LVRN: variants seen among roughly 807,000 people sequenced by gnomAD.
The protein encoded by LVRN is laeverin, also known as aminopeptidase Q.
A neutral mutation model predicts 111.4 loss-of-function variants in LVRN; 99 were observed. The observed-to-expected ratio is 0.89, with a 90% CI of 0.76 to 1.05. The LOEUF is 1.05. LVRN is among the 50% of genes least tolerant of loss of function. The probability of loss-of-function intolerance (pLI) is 0.00; values close to 1 mark genes in which losing one functional copy is unlikely to be tolerated. For missense variants in LVRN, 1,414 were observed against 1,206.8 expected, an observed-to-expected ratio of 1.17 and a Z score of -2.54; for synonymous variants, 488 against 449.5, an observed-to-expected ratio of 1.09 and a Z score of -1.08.
chr5:116,002,252 A>T (rs753350532), intron 10 of LVRN, among the ~76,000 whole-genome samples: 119 of 152,260 alleles, frequency 7.8e-4, no homozygotes, highest in Non-Finnish European at 1.7e-3. Flanking sequence ...ATATTGCCCA[A>T]ACTCTGAGTA....
At chr5:116,013,588 C>G (rs1748535520) in intron 15 of LVRN, among the ~76,000 whole-genome samples, 1 of 152,086 alleles carries the variant, frequency 6.6e-6, no homozygotes, top group Non-Finnish European at 1.5e-5. Flanking sequence ...TAAATGAATG[C>G]CTAGAACTGT....
intron 6 of LVRN, chr5:115,995,575 A>G (rs1346765286): frequency 6.6e-6 from 1 of 152,258 alleles, no homozygotes; most frequent in Non-Finnish European, 1.5e-5. Context: ...AATTTGCCCA[A>G]CTGGGACAGG....
Position 116,000,654 on chromosome 5 carries a change from A to T in LVRN, c.1643A>T (p.Gln548Leu). 1 of 1,613,682 alleles carries T rather than the reference A, an allele frequency of 6.2e-7. No homozygotes were observed. The highest frequency in any genetic ancestry group is 1.3e-5 in the African/African-American group (1 of 75,042). ...CAAGATGATCTATGGAGGCATTTTC[A>T]AATGGTAATTGTCCTACTTTCTGAC... ...AEQDDLWRHF[Q>L]MAIDDQSTVI... Residue 548 changes from glutamine (Q) to leucine (L), a missense_variant, in exon 9 of 20, where the codon CAA becomes CTA. Transcript: ENST00000357872.
intron 15 of LVRN, among the ~76,000 whole-genome samples, chr5:116,013,133 A>G (rs1484795507): frequency 1.3e-5 from 2 of 152,180 alleles, no homozygotes; most frequent in African/African-American, 2.4e-5. Flanking sequence ...TAGGGATTAT[A>G]CCTACAACTT....
chr5:115,968,866 A>G (rs1753259496), intron 1 of LVRN, among the ~76,000 whole-genome samples: 1 of 152,202 alleles, frequency 6.6e-6, no homozygotes, highest in Non-Finnish European at 1.5e-5. Context: ...ATATGCAATT[A>G]AACAAAGTCC....
Position 115,963,357 on chromosome 5 carries a change from C to A in LVRN, c.695+45C>A, listed in dbSNP as rs574416228. On this transcript the variant is annotated intron_variant, in intron 1 of 19. Transcript: ENST00000357872. ...GGGCCCCTCTCGGCCCCCGCCCCTGCGTCCCGGTGCAGGCTGCGGGTCCAG... is the reference window on the plus strand; with the variant it reads ...GGGCCCCTCTCGGCCCCCGCCCCTGAGTCCCGGTGCAGGCTGCGGGTCCAG... 13 of 1,473,626 alleles carry A rather than the reference C, an allele frequency of 8.8e-6. No homozygotes were observed. In the South Asian group the frequency reaches 1.5e-4, roughly 17 times the overall value. 91.3% of individuals were successfully genotyped at this position (1,473,626 alleles called of 1,614,324 possible). A position where few individuals can be genotyped will look rare whatever the true frequency, so the allele number is the denominator to read the frequency against.
chr5:115,999,836 C>T lies in LVRN; in HGVS notation c.1449C>T (p.Ala483=), dbSNP rs998349089. The T allele has an allele frequency of 1.2e-6, 2 of 1,613,484 alleles. No individual in the cohort carries two copies. The highest frequency in any genetic ancestry group is 1.7e-6 in the Non-Finnish European group (2 of 1,179,650). Residue 483 remains alanine (A), a synonymous_variant, in exon 7 of 20, where the codon GCC becomes GCT. Coordinates refer to ENST00000357872, the MANE Select transcript of LVRN (RefSeq NM_173800.5). ...EDHALVTRAV[A]MKVENFKTSE... ...ACGCCCTGGTGACTAGAGCTGTGGC[C>T]ATGAAGGTGGAAAATTTCAAAACAA...
At position 116,002,855 on chromosome 5, in the gene LVRN, T is replaced by C; in HGVS notation, c.1841T>C (p.Ile614Thr). Residue 614 changes from isoleucine (I) to threonine (T), a missense_variant, in exon 11 of 20, where the codon ATT becomes ACT. Transcript: ENST00000357872. ...ATAAGTGACACATGGATTGTCCCTA[T>C]TCTTTGGATAAAAAATGGAACTACA... Reference protein sequence around the residue: ...LTSNDTWIVPILWIKNGTTQP... With the variant: ...LTSNDTWIVPTLWIKNGTTQP... 6.2e-7 allele frequency: 1 copy of C among 1,610,016 alleles called. No individual in the cohort carries two copies. Among genetic ancestry groups the C allele is most frequent in the Non-Finnish European group, 8.5e-7 (1 of 1,177,000 alleles).
chr5:116,027,295 T>A lies in LVRN; in HGVS notation c.*1177T>A, dbSNP rs1211096739. The A allele has an allele frequency of 1.3e-5, 2 of 152,212 alleles. No individual in the cohort carries two copies. The highest frequency in any genetic ancestry group is 1.3e-4 in the Admixed American group (2 of 15,286). 9.4% of individuals were successfully genotyped at this position (152,212 alleles called of 1,614,324 possible). A position where few individuals can be genotyped will look rare whatever the true frequency, so the allele number is the denominator to read the frequency against. ...TCCTCAGGGTGATATTTTTAAAGAT[T>A]AAGGAGTATGACATCAATTAACAGT... On this transcript the variant is annotated 3_prime_UTR_variant, in exon 20 of 20. Coordinates refer to ENST00000357872, the MANE Select transcript of LVRN (RefSeq NM_173800.5).
At chr5:116,004,165 C>G (rs1277517589) in intron 12 of LVRN, among the ~76,000 whole-genome samples, 1 of 152,238 alleles carries the variant, frequency 6.6e-6, no homozygotes, top group Non-Finnish European at 1.5e-5. Context: ...CATATTTCCA[C>G]TCTCCTTCAG....
At chr5:115,969,184 T>A (rs1462697417) in intron 1 of LVRN, among the ~76,000 whole-genome samples, 1 of 152,226 alleles carries the variant, frequency 6.6e-6, no homozygotes, top group African/African-American at 2.4e-5. Context: ...CCCTGGTTTA[T>A]CCTGTTTTGG....
At chr5:116,024,192 T>G (rs1376020003) in intron 19 of LVRN, among the ~76,000 whole-genome samples, 1 of 152,180 alleles carries the variant, frequency 6.6e-6, no homozygotes, top group Non-Finnish European at 1.5e-5. Flanking sequence ...ATTCATTGAC[T>G]TTTACAGTTT....
At chr5:115,989,350 T>C (rs2112580059) in intron 4 of LVRN, among the ~76,000 whole-genome samples, 1 of 152,292 alleles carries the variant, frequency 6.6e-6, no homozygotes, top group African/African-American at 2.4e-5. Flanking sequence ...TCTTGTCTCC[T>C]CCAGGCTCTT....
At chr5:116,024,263 C>T (rs1214848346) in intron 19 of LVRN, among the ~76,000 whole-genome samples, 4 of 151,926 alleles carry the variant, frequency 2.6e-5, no homozygotes, top group Non-Finnish European at 1.5e-5. Context: ...AAATTAAACA[C>T]CAGGGCCTGA....
At chr5:116,015,511 A>T (rs1337246855) in intron 17 of LVRN, 92 bp downstream of exon 17, 1 of 1,472,752 alleles carries the variant, frequency 6.8e-7, no homozygotes, top group East Asian at 2.4e-5. Flanking sequence ...TAAGTATTAA[A>T]ACGTTGCGTA....
Position 115,984,662 on chromosome 5 carries a change from G to C in LVRN, c.931G>C (p.Val311Leu), listed in dbSNP as rs149510341. 175 of 1,613,562 alleles carry C rather than the reference G, an allele frequency of 1.1e-4. 1 individual carries two copies. The highest frequency in any genetic ancestry group is 1.4e-4 in the Non-Finnish European group (168 of 1,179,770). Residue 311 changes from valine (V) to leucine (L), a missense_variant, in exon 3 of 20, where the codon GTT (valine) becomes CTT (leucine). Val to Leu is a conservative substitution (Grantham distance 32). Transcript: ENST00000357872. ...PHMPTYLVAF[V>L]ICDYDHVNRT... ...CATGCCAACTTACTTAGTCGCATTT[G>C]TTATATGTGACTATGACCACGTCAA...
Position 116,015,392 on chromosome 5 carries a change from G to A in LVRN, c.2591G>A (p.Cys864Tyr). 1 of 1,527,588 alleles carries A rather than the reference G, an allele frequency of 6.5e-7. No homozygotes were observed. 94.6% of individuals were successfully genotyped at this position (1,527,588 alleles called of 1,614,324 possible). ...ATTCAACTTGCTTATGCAATGAGCT[G>A]CAGCAAAGACCCATGGATACTTAAC... ...EKIQLAYAMSCSKDPWILNRY... is the reference protein window; with the variant it reads ...EKIQLAYAMSYSKDPWILNRY... Residue 864 changes from cysteine (C) to tyrosine (Y), a missense_variant, in exon 17 of 20, where the codon TGC (cysteine) becomes TAC (tyrosine). Transcript: ENST00000357872.
At chr5:115,966,570 A>G (rs1182134181) in intron 1 of LVRN, among the ~76,000 whole-genome samples, 1 of 152,168 alleles carries the variant, frequency 6.6e-6, no homozygotes, top group Non-Finnish European at 1.5e-5. Flanking sequence ...CTAGCCTCAT[A>G]CTTCTGGCCC....
rs1159984720 is a variant in LVRN at position 116,026,627 on chromosome 5, A to C, written c.*509A>C. On this transcript the variant is annotated 3_prime_UTR_variant, in exon 20 of 20. Coordinates refer to ENST00000357872, the MANE Select transcript of LVRN (RefSeq NM_173800.5). ...TCACTAGAAGACAGTGGAGCCAAAGAAAAGCAAGTTGAAAAAGAAAGAGGA... is the reference window on the plus strand; with the variant it reads ...TCACTAGAAGACAGTGGAGCCAAAGCAAAGCAAGTTGAAAAAGAAAGAGGA... 1 of 161,132 alleles carries C rather than the reference A, an allele frequency of 6.2e-6. No individual in the cohort carries two copies. Among genetic ancestry groups the C allele is most frequent in the African/African-American group, 2.4e-5 (1 of 41,508 alleles). The allele number at this position is 161,132 out of a possible 1,614,324, so 10.0% of individuals were successfully genotyped here.
Sources: allele counts gnomAD v4.1 joint callset (sites outside exome capture counted in the v4.1 genomes callset), GRCh38; gene constraint gnomAD v4.1.1; transcripts MANE v1.5; gene names NCBI Gene and HGNC (gene_info 2026-07-23, HGNC 2026-07-21).